The following SLX9 variants were observed in gnomAD, a reference collection of about 807,000 sequenced individuals.
The protein encoded by SLX9 is ribosome biogenesis protein SLX9 homolog.
SLX9 carries 19 observed loss-of-function variants against 20.8 expected under a neutral mutation model. The observed-to-expected ratio is 0.91, with a 90% CI of 0.64 to 1.34. The LOEUF is 1.34. Among genes scored for constraint, SLX9 ranks in the 40% most tolerant of loss-of-function variants. The pLI, the probability that SLX9 is intolerant of heterozygous loss-of-function variation, is 0.00. For synonymous variants in SLX9, 113 were observed against 137.1 expected (o/e 0.82, Z 1.23); for missense variants, 299 against 322.2 (o/e 0.93, Z 0.55).
At chr21:44,960,454 C>G (rs747562441) in intron 3 of SLX9, among the ~76,000 whole-genome samples, 1 of 152,262 alleles carries the variant, frequency 6.6e-6, no homozygotes, top group Non-Finnish European at 1.5e-5. Flanking sequence ...TGGGCTGCCT[C>G]CCTTTGGAGG....
At chr21:44,949,519 G>T (rs918503958) in intron 2 of SLX9, among the ~76,000 whole-genome samples, 6 of 152,158 alleles carry the variant, frequency 3.9e-5, no homozygotes, top group African/African-American at 1.4e-4. Context: ...CCTCTGTGCA[G>T]CAGCAGCAGG....
At chr21:44,956,536 C>T (rs998186838) in intron 2 of SLX9, among the ~76,000 whole-genome samples, 4 of 152,222 alleles carry the variant, frequency 2.6e-5, no homozygotes, top group Non-Finnish European at 5.9e-5. Context: ...TTGGCAGCAT[C>T]TGAGTGGCTC....
At chr21:44,964,330 T>G (rs1357664889) in intron 3 of SLX9, among the ~76,000 whole-genome samples, 1 of 152,214 alleles carries the variant, frequency 6.6e-6, no homozygotes, top group Non-Finnish European at 1.5e-5. Context: ...TGTGGATTTT[T>G]TCCCTCAATT....
intron 2 of SLX9, among the ~76,000 whole-genome samples, chr21:44,956,587 A>C (rs928454969): frequency 6.6e-6 from 1 of 152,210 alleles, no homozygotes; most frequent in African/African-American, 2.4e-5. Flanking sequence ...CCCGAGATGA[A>C]GCAGCACGTG....
chr21:44,971,308 CTGCCGGTGCTTGCCCTT>C (rs1202246579), intron 4 of SLX9, among the ~76,000 whole-genome samples: 1 of 152,226 alleles, frequency 6.6e-6, no homozygotes, highest in Non-Finnish European at 1.5e-5. Context: ...AGTCGCGTCC[CTGCCGGTGCTTGCCCTT>C]GGCCCATGAC....
At chr21:44,963,509 T>C (rs191153595) in intron 3 of SLX9, among the ~76,000 whole-genome samples, 105 of 152,248 alleles carry the variant, frequency 6.9e-4, no homozygotes, top group Non-Finnish European at 1.2e-3. Flanking sequence ...CATGAAGATA[T>C]TATTCCTGTT....
At chr21:44,961,091 C>G (rs561852657) in intron 3 of SLX9, among the ~76,000 whole-genome samples, 1 of 152,140 alleles carries the variant, frequency 6.6e-6, no homozygotes, top group Non-Finnish European at 1.5e-5. Context: ...GGAAATGATT[C>G]ATTCCTCCAT....
At chr21:44,972,649 A>G (rs2085172927) in intron 4 of SLX9, among the ~76,000 whole-genome samples, 1 of 152,142 alleles carries the variant, frequency 6.6e-6, no homozygotes, top group Non-Finnish European at 1.5e-5. Flanking sequence ...GCAGCTTCCC[A>G]CTGTAGCACA....
intron 4 of SLX9, 40 bp from the exon 5 acceptor site, chr21:44,973,157 A>T (rs569024805): frequency 1.9e-6 from 3 of 1,611,508 alleles, no homozygotes; most frequent in Non-Finnish European, 2.5e-6. Flanking sequence ...TGTTTAGGGG[A>T]TGCTGGATGC....
intron 2 of SLX9, among the ~76,000 whole-genome samples, chr21:44,950,174 T>G (rs1406402834): frequency 6.6e-6 from 1 of 151,912 alleles, no homozygotes; most frequent in Non-Finnish European, 1.5e-5. Context: ...GTCTCTGGGC[T>G]TGAGTCCCAG....
intron 2 of SLX9, 95 bp downstream of exon 2, chr21:44,943,932 T>G (rs1247113610): frequency 1.3e-6 from 2 of 1,528,384 alleles, no homozygotes; most frequent in Admixed American, 1.8e-5. Context: ...CCAGCTAACC[T>G]GTACCTGACA....
intron 2 of SLX9, among the ~76,000 whole-genome samples, chr21:44,951,457 C>T (rs1341518416): frequency 6.6e-6 from 1 of 152,132 alleles, no homozygotes; most frequent in African/African-American, 2.4e-5. Flanking sequence ...GCTGAGTCCT[C>T]AGCGCACGGG....
intron 3 of SLX9, among the ~76,000 whole-genome samples, chr21:44,963,092 CTTTTTTT>C (rs770861444): frequency 7.1e-6 from 1 of 140,436 alleles, no homozygotes; most frequent in Non-Finnish European, 1.6e-5. Context: ...CATTTTCTTT[CTTTTTTT>C]TTTTTTTTGA....
upstream of SLX9, chr21:44,939,987 C>A (rs764950769): frequency 6.7e-6 from 9 of 1,351,856 alleles, no homozygotes; most frequent in Non-Finnish European, 7.6e-6. Flanking sequence ...CTCCTGTTTC[C>A]GCCGGGCGGC....
At chr21:44,954,323 C>T (rs532413259) in intron 2 of SLX9, among the ~76,000 whole-genome samples, 58 of 152,238 alleles carry the variant, frequency 3.8e-4, no homozygotes, top group African/African-American at 1.1e-3. Flanking sequence ...GTGTGGGTGC[C>T]GTGCACAGGC....
At chr21:44,948,865 G>T (rs1437343649) in intron 2 of SLX9, among the ~76,000 whole-genome samples, 1 of 152,208 alleles carries the variant, frequency 6.6e-6, no homozygotes, top group African/African-American at 2.4e-5. Flanking sequence ...CTCCAAGGGA[G>T]ACTGGAGTCA....
chr21:44,949,679 T>C (rs951201261), intron 2 of SLX9, among the ~76,000 whole-genome samples: 10 of 152,192 alleles, frequency 6.6e-5, no homozygotes, highest in Non-Finnish European at 2.9e-5. Context: ...CTGCTGCTGC[T>C]GTCAGTGGAA....
chr21:44,948,203 A>G (rs2084681044), intron 2 of SLX9, among the ~76,000 whole-genome samples: 1 of 150,136 alleles, frequency 6.7e-6, no homozygotes, highest in Non-Finnish European at 1.5e-5. Context: ...GTCGTGGAGC[A>G]TCGGGCGGTC....
intron 2 of SLX9, among the ~76,000 whole-genome samples, chr21:44,950,582 A>C (rs1232943935): frequency 6.6e-6 from 1 of 152,238 alleles, no homozygotes; most frequent in East Asian, 1.9e-4. Flanking sequence ...CTTGTGAGCC[A>C]CATGTTGTTG....
Sources: allele counts gnomAD v4.1 joint callset (sites outside exome capture counted in the v4.1 genomes callset), GRCh38; gene constraint gnomAD v4.1.1; transcripts MANE v1.5; gene names NCBI Gene and HGNC (gene_info 2026-07-23, HGNC 2026-07-21).